CENPW: variants seen among roughly 807,000 people sequenced by gnomAD.
The protein encoded by CENPW is cancer-up-regulated gene 2 protein.
A neutral mutation model predicts 11.1 loss-of-function variants in CENPW; 3 were observed. That is an observed-to-expected ratio of 0.27 (90% confidence interval 0.12 to 0.70). The LOEUF (loss-of-function observed/expected upper bound fraction) is 0.70, where lower values mean the gene tolerates loss of function less well. Among genes scored for constraint, CENPW ranks in the 30% least tolerant of loss-of-function variants. The probability of loss-of-function intolerance (pLI) is 0.77; values close to 1 mark genes in which losing one functional copy is unlikely to be tolerated. For missense variants in CENPW, 100 were observed against 105.6 expected, an observed-to-expected ratio of 0.95 and a Z score of 0.23; for synonymous variants, 38 against 42.0, an observed-to-expected ratio of 0.91 and a Z score of 0.37.
the CENPW span, among the ~76,000 whole-genome samples, chr6:126,457,586 A>G: frequency 1.3e-5 from 2 of 151,304 alleles, no homozygotes; most frequent in African/African-American, 2.4e-5. Flanking sequence ...AGCAAGATCT[A>G]GCACTCAGAA....
the CENPW span, among the ~76,000 whole-genome samples, chr6:126,405,480 A>G: frequency 1.5e-4 from 23 of 151,938 alleles, no homozygotes; most frequent in Admixed American, 1.3e-3. Context: ...TGCTTTGGCT[A>G]TTTGAGGCCT....
At chr6:126,469,062 G>T in the CENPW span, among the ~76,000 whole-genome samples, 1 of 152,032 alleles carries the variant, frequency 6.6e-6, no homozygotes. Context: ...CCAAAGTGCT[G>T]GATTACAGGT....
chr6:126,444,467 C>T, the CENPW span, among the ~76,000 whole-genome samples: 4 of 150,888 alleles, frequency 2.7e-5, no homozygotes, highest in Admixed American at 2.0e-4. Context: ...GCTTTTTTCA[C>T]TATTCAAATC....
chr6:126,420,528 G>T, the CENPW span, among the ~76,000 whole-genome samples: 3 of 152,142 alleles, frequency 2.0e-5, no homozygotes, highest in African/African-American at 7.2e-5. Flanking sequence ...ATTTGTCTTG[G>T]CAAAGAAATG....
chr6:126,474,872 C>T, the CENPW span, among the ~76,000 whole-genome samples: 34 of 152,048 alleles, frequency 2.2e-4, no homozygotes, highest in Non-Finnish European at 4.3e-4. Flanking sequence ...AAAGCCACTG[C>T]ATCATCCAGT....
the CENPW span, among the ~76,000 whole-genome samples, chr6:126,481,465 T>C: frequency 6.6e-6 from 1 of 152,120 alleles, no homozygotes; most frequent in African/African-American, 2.4e-5. Flanking sequence ...GAAATCCTTC[T>C]TGCTGTGTCC....
the CENPW span, among the ~76,000 whole-genome samples, chr6:126,455,200 C>T: frequency 6.6e-6 from 1 of 151,332 alleles, no homozygotes; most frequent in East Asian, 1.9e-4. Flanking sequence ...GGCATGACTT[C>T]TCCCTAACTC....
chr6:126,435,991 A>G, the CENPW span, among the ~76,000 whole-genome samples: 9 of 151,906 alleles, frequency 5.9e-5, no homozygotes, highest in African/African-American at 2.2e-4. Flanking sequence ...CTTATAAATG[A>G]TTGCATACAG....
chr6:126,413,831 T>C, the CENPW span, among the ~76,000 whole-genome samples: 1 of 152,036 alleles, frequency 6.6e-6, no homozygotes, highest in African/African-American at 2.4e-5. Flanking sequence ...AATAATAATT[T>C]GTATATAAAT....
At chr6:126,346,934 G>A (rs888730299) in intron 2 of CENPW, among the ~76,000 whole-genome samples, 1 of 152,026 alleles carries the variant, frequency 6.6e-6, no homozygotes, top group Non-Finnish European at 1.5e-5. Context: ...GGCAACAAGT[G>A]CGAAACTCCG....
the CENPW span, among the ~76,000 whole-genome samples, chr6:126,389,560 C>T: frequency 6.6e-6 from 1 of 151,794 alleles, no homozygotes; most frequent in Non-Finnish European, 1.5e-5. Context: ...CACACACACA[C>T]ACGCGTGCAC....
the CENPW span, among the ~76,000 whole-genome samples, chr6:126,446,957 T>G: frequency 6.6e-6 from 1 of 151,230 alleles, no homozygotes; most frequent in African/African-American, 2.4e-5. Flanking sequence ...TATCCAAGTT[T>G]GATACAGATC....
At chr6:126,393,872 A>T in the CENPW span, among the ~76,000 whole-genome samples, 1 of 151,544 alleles carries the variant, frequency 6.6e-6, no homozygotes, top group Non-Finnish European at 1.5e-5. Flanking sequence ...CTCCTTTATC[A>T]TTATATAATG....
the CENPW span, among the ~76,000 whole-genome samples, chr6:126,449,051 A>G: frequency 2.6e-5 from 4 of 151,272 alleles, no homozygotes; most frequent in South Asian, 8.3e-4. Context: ...AACTGATGCC[A>G]TGTTGTCTTT....
the CENPW span, among the ~76,000 whole-genome samples, chr6:126,368,961 G>T: frequency 6.6e-6 from 1 of 151,974 alleles, no homozygotes; most frequent in Non-Finnish European, 1.5e-5. Context: ...TCCCTCAAGT[G>T]CCTAGTCCAT....
At chr6:126,404,777 C>A in the CENPW span, among the ~76,000 whole-genome samples, 1 of 150,728 alleles carries the variant, frequency 6.6e-6, no homozygotes, top group Non-Finnish European at 1.5e-5. Flanking sequence ...TTTTCATATA[C>A]CTATTGGCCA....
chr6:126,469,046 G>A, the CENPW span, among the ~76,000 whole-genome samples: 879 of 152,116 alleles, frequency 5.8e-3, 12 homozygotes, highest in African/African-American at 0.02. Context: ...CACCCACCTC[G>A]GTCCCCCAAA....
At chr6:126,373,788 C>G in the CENPW span, among the ~76,000 whole-genome samples, 1 of 152,164 alleles carries the variant, frequency 6.6e-6, no homozygotes, top group Non-Finnish European at 1.5e-5. Context: ...TCCCAAAATA[C>G]CCACTTTTAC....
At chr6:126,413,075 G>C in the CENPW span, among the ~76,000 whole-genome samples, 2 of 152,012 alleles carry the variant, frequency 1.3e-5, no homozygotes, top group African/African-American at 4.8e-5. Context: ...TTTGTTTTCT[G>C]TAGAGAGGTT....
Sources: allele counts gnomAD v4.1 joint callset (sites outside exome capture counted in the v4.1 genomes callset), GRCh38; gene constraint gnomAD v4.1.1; transcripts MANE v1.5; gene names NCBI Gene and HGNC (gene_info 2026-07-23, HGNC 2026-07-21).